The following RAD51B variants were observed in gnomAD, a reference collection of about 807,000 sequenced individuals.
RAD51B encodes the protein RAD51 paralog B.
Under a neutral mutation model 42.2 loss-of-function variants are expected in RAD51B, and 38 were observed. That is an observed-to-expected ratio of 0.90 (90% CI 0.70 to 1.18). The LOEUF (loss-of-function observed/expected upper bound fraction) is 1.18, where lower values mean the gene tolerates loss of function less well. RAD51B is among the 50% of genes most tolerant of loss of function. RAD51B has a pLI of 0.00. For synonymous variants in RAD51B, 154 were observed against 145.2 expected (o/e 1.06, Z -0.43); for missense variants, 373 against 400.7 (o/e 0.93, Z 0.59).
At chr14:68,053,246 A>T (rs1401862758) in intron 7 of RAD51B, among the ~76,000 whole-genome samples, 3 of 152,154 alleles carry the variant, frequency 2.0e-5, no homozygotes, top group Admixed American at 6.5e-5. Context: ...CTATTTTTCC[A>T]TAAGCGGTTC....
At chr14:68,515,999 A>T (rs1016494559) in intron 10 of RAD51B, among the ~76,000 whole-genome samples, 1 of 151,450 alleles carries the variant, frequency 6.6e-6, no homozygotes, top group Admixed American at 6.6e-5. Flanking sequence ...GTTAGCCAGG[A>T]TGGTCTCGAT....
chr14:68,007,088 G>A (rs772986458), intron 7 of RAD51B, among the ~76,000 whole-genome samples: 15 of 151,972 alleles, frequency 9.9e-5, no homozygotes, highest in Admixed American at 9.8e-4. Flanking sequence ...CTGTGTATTC[G>A]TCTATTCTGG....
downstream of RAD51B, among the ~76,000 whole-genome samples, chr14:68,615,658 T>C (rs1432661727): frequency 1.3e-5 from 2 of 152,230 alleles, no homozygotes; most frequent in African/African-American, 4.8e-5. Context: ...ATTTTCCTTT[T>C]TGTCACTATG....
chr14:68,412,589 G>A (rs1465576225), intron 9 of RAD51B, among the ~76,000 whole-genome samples: 1 of 152,142 alleles, frequency 6.6e-6, no homozygotes, highest in African/African-American at 2.4e-5. Context: ...ATTCTTCTTG[G>A]TTTGCTTTGG....
At chr14:68,563,317 C>T (rs997261981) in intron 10 of RAD51B, 9 of 985,282 alleles carry the variant, frequency 9.1e-6, no homozygotes, top group Non-Finnish European at 1.1e-5. Context: ...CTCCTCGGGG[C>T]GTGCTCCTTC....
chr14:67,863,660 A>G (rs912146642), intron 4 of RAD51B, among the ~76,000 whole-genome samples: 1 of 152,144 alleles, frequency 6.6e-6, no homozygotes, highest in African/African-American at 2.4e-5. Flanking sequence ...AATGTTAAAA[A>G]AAAAGTTCTT....
intron 8 of RAD51B, among the ~76,000 whole-genome samples, chr14:68,310,454 A>G (rs1158848534): frequency 1.3e-5 from 2 of 152,212 alleles, no homozygotes; most frequent in Non-Finnish European, 2.9e-5. Context: ...TATGATCACA[A>G]CAATATTAGT....
chr14:68,435,601 A>G (rs1472760795), intron 9 of RAD51B, among the ~76,000 whole-genome samples: 1 of 151,950 alleles, frequency 6.6e-6, no homozygotes, highest in Non-Finnish European at 1.5e-5. Context: ...AAAATCTCCA[A>G]ACTGCTTTCT....
intron 9 of RAD51B, among the ~76,000 whole-genome samples, chr14:68,427,789 G>A (rs2084889781): frequency 6.6e-6 from 1 of 152,174 alleles, no homozygotes; most frequent in African/African-American, 2.4e-5. Flanking sequence ...ATGGAATAAT[G>A]TATTTATATG....
intron 7 of RAD51B, among the ~76,000 whole-genome samples, chr14:67,948,931 C>CAAAA (rs59465805): frequency 0.017 from 296 of 17,056 alleles, 45 homozygotes; most frequent in Non-Finnish European, 0.03. Context: ...GACTCTGTCT[C>CAAAA]AAAAAAAAAA....
intron 7 of RAD51B, among the ~76,000 whole-genome samples, chr14:68,002,841 T>A (rs923435188): frequency 6.6e-6 from 1 of 152,128 alleles, no homozygotes; most frequent in African/African-American, 2.4e-5. Flanking sequence ...TGGTTATAGG[T>A]GTGTGGTCTT....
chr14:68,490,048 C>T (rs1413484802), intron 10 of RAD51B, among the ~76,000 whole-genome samples: 2 of 152,148 alleles, frequency 1.3e-5, no homozygotes, highest in African/African-American at 2.4e-5. Context: ...CTACCGCAGC[C>T]TCTACTTATT....
chr14:68,002,911 T>A (rs1369061867), intron 7 of RAD51B, among the ~76,000 whole-genome samples: 2 of 152,230 alleles, frequency 1.3e-5, no homozygotes, highest in Non-Finnish European at 2.9e-5. Context: ...ACCAGTACCA[T>A]GCTGTTTTAG....
chr14:68,515,467 G>T (rs1594933214), intron 10 of RAD51B, among the ~76,000 whole-genome samples: 4 of 130,180 alleles, frequency 3.1e-5, no homozygotes, highest in Admixed American at 8.3e-5. Flanking sequence ...TTTTTTTAGA[G>T]AGATAGGGTC....
chr14:68,325,061 A>G (rs2082223950), intron 8 of RAD51B, among the ~76,000 whole-genome samples: 1 of 152,140 alleles, frequency 6.6e-6, no homozygotes, highest in South Asian at 2.1e-4. Context: ...AGGAGCAGGT[A>G]TGAGCTCAGG....
intron 7 of RAD51B, among the ~76,000 whole-genome samples, chr14:67,920,148 T>TA (rs1284701707): frequency 6.6e-6 from 1 of 152,148 alleles, no homozygotes; most frequent in African/African-American, 2.4e-5. Flanking sequence ...GGAAAAAACT[T>TA]TAGTTGTTAA....
intron 8 of RAD51B, among the ~76,000 whole-genome samples, chr14:68,324,152 G>A (rs1231077905): frequency 1.3e-5 from 2 of 152,210 alleles, no homozygotes; most frequent in East Asian, 1.9e-4. Context: ...TAAATGGTAT[G>A]TAGTTTACTT....
intron 10 of RAD51B, among the ~76,000 whole-genome samples, chr14:68,584,183 A>C (rs547344450): frequency 1.3e-5 from 2 of 151,426 alleles, no homozygotes; most frequent in African/African-American, 4.9e-5. Context: ...TCCTCCTCAC[A>C]CTCCCTGACT....
chr14:67,848,231 A>T (rs1218395721), intron 4 of RAD51B, among the ~76,000 whole-genome samples: 1 of 152,110 alleles, frequency 6.6e-6, no homozygotes, highest in Non-Finnish European at 1.5e-5. Context: ...GTCGGCCAGG[A>T]TGGTCTCAAT....
Sources: allele counts gnomAD v4.1 joint callset (sites outside exome capture counted in the v4.1 genomes callset), GRCh38; gene constraint gnomAD v4.1.1; transcripts MANE v1.5; gene names NCBI Gene and HGNC (gene_info 2026-07-23, HGNC 2026-07-21).